Variants in IRAG2 observed in about 807,000 individuals in gnomAD.
The protein encoded by IRAG2 is lymphoid restricted membrane protein.
In IRAG2, 45 loss-of-function variants were observed where a neutral mutation model predicts 69.9. That is an observed-to-expected ratio of 0.64 (90% CI 0.51 to 0.83). IRAG2 has a LOEUF of 0.83. Ranked by LOEUF, IRAG2 falls within the 40% of genes least tolerant of loss-of-function variation. The pLI is 0.00. For synonymous variants in IRAG2, 193 were observed against 202.4 expected, an observed-to-expected ratio of 0.95 and a Z score of 0.40; for missense variants, 520 against 587.0, an observed-to-expected ratio of 0.89 and a Z score of 1.18.
chr12:25,020,897 G>A (rs1235251479), exon 7 of IRAG2: 6 of 1,228,332 alleles, frequency 4.9e-6, no homozygotes, highest in Non-Finnish European at 5.1e-6. Context: ...GTAGCCCAGA[G>A]CAAACAATTA....
chr12:25,034,311 T>A (rs2139851279), intron 13 of IRAG2, among the ~76,000 whole-genome samples: 1 of 152,322 alleles, frequency 6.6e-6, no homozygotes, highest in African/African-American at 2.4e-5. Flanking sequence ...ACCCTGAAAG[T>A]AAATATATTT....
intron 6 of IRAG2, among the ~76,000 whole-genome samples, chr12:25,076,963 C>G (rs1946726873): frequency 6.6e-6 from 1 of 150,908 alleles, no homozygotes; most frequent in South Asian, 2.1e-4. Context: ...GCAACCTTAA[C>G]CACCTGGGCT....
intron 20 of IRAG2, among the ~76,000 whole-genome samples, chr12:25,105,516 C>T (rs1396431834): frequency 3.3e-5 from 5 of 152,050 alleles, no homozygotes; most frequent in Non-Finnish European, 7.4e-5. Context: ...ATGAGCATGA[C>T]ATGGTGCAAT....
At chr12:25,077,352 GAT>G (rs1555139219) in intron 6 of IRAG2, among the ~76,000 whole-genome samples, 1 of 24,048 alleles carries the variant, frequency 4.2e-5, no homozygotes, top group African/African-American at 1.3e-4. Flanking sequence ...ATATATATAT[GAT>G]ATATATGATA....
At chr12:25,091,010 A>G in intron 14 of IRAG2, 1 of 217,472 alleles carries the variant, frequency 4.6e-6, no homozygotes, top group Admixed American at 5.7e-5. Flanking sequence ...TGTAACAACT[A>G]CTATTATCCT....
chr12:25,031,660 G>A (rs895832855), intron 10 of IRAG2, among the ~76,000 whole-genome samples: 2 of 151,938 alleles, frequency 1.3e-5, no homozygotes, highest in Non-Finnish European at 2.9e-5. Context: ...GTGTGTGTGT[G>A]TTTGTTTTTG....
chr12:25,027,052 C>G (rs912586618), intron 9 of IRAG2, among the ~76,000 whole-genome samples: 5 of 149,160 alleles, frequency 3.4e-5, no homozygotes, highest in African/African-American at 1.2e-4. Flanking sequence ...TTGGCAACTG[C>G]TTTACTGATA....
At chr12:25,010,277 G>A (rs915935627) in intron 2 of IRAG2, among the ~76,000 whole-genome samples, 1 of 152,128 alleles carries the variant, frequency 6.6e-6, no homozygotes, top group Admixed American at 6.6e-5. Context: ...AGAAGTTCAA[G>A]ACCAGCCTGG....
exon 6 of IRAG2, chr12:25,017,159 G>A (rs73076078): frequency 0.026 from 32,179 of 1,231,764 alleles, 969 homozygotes; most frequent in African/African-American, 0.15. Flanking sequence ...GATTGCCTAC[G>A]TAGCAGACCT....
chr12:25,063,386 A>G (rs1945760025), intron 3 of IRAG2, among the ~76,000 whole-genome samples: 1 of 152,156 alleles, frequency 6.6e-6, no homozygotes, highest in Non-Finnish European at 1.5e-5. Context: ...ATCACGAAGA[A>G]TTATGTAACT....
chr12:25,099,930 G>A (rs1255730652), intron 15 of IRAG2, among the ~76,000 whole-genome samples: 1 of 135,136 alleles, frequency 7.4e-6, no homozygotes, highest in Non-Finnish European at 1.5e-5. Context: ...AACCCGGGAG[G>A]CAGAGGTTGC....
chr12:25,032,690 C>G (rs1944677075), intron 12 of IRAG2, among the ~76,000 whole-genome samples: 1 of 152,164 alleles, frequency 6.6e-6, no homozygotes, highest in South Asian at 2.1e-4. Context: ...TACTAAGTTG[C>G]AGATTGCCGA....
At chr12:25,035,819 C>A in intron 14 of IRAG2, 2 of 398,862 alleles carry the variant, frequency 5.0e-6, no homozygotes, top group South Asian at 2.6e-4. Context: ...TCATGGTGTT[C>A]CGTTTTGGCT....
At chr12:25,100,509 T>G (rs548020425) in intron 15 of IRAG2, among the ~76,000 whole-genome samples, 1 of 152,308 alleles carries the variant, frequency 6.6e-6, no homozygotes, top group Admixed American at 6.5e-5. Flanking sequence ...TTATAGGACT[T>G]TTATCTTAGA....
At chr12:25,086,496 G>T (rs1947615434) in intron 10 of IRAG2, among the ~76,000 whole-genome samples, 1 of 152,164 alleles carries the variant, frequency 6.6e-6, no homozygotes, top group Non-Finnish European at 1.5e-5. Flanking sequence ...CACCTGTGCG[G>T]TTTTTGAAAG....
Position 25,060,851 on chromosome 12 carries a change from A to G in IRAG2, c.-446-741A>G, listed in dbSNP as rs546552282. Reference sequence around the variant, plus strand: ...AATTTTTGTATTTTTTTTTTTTAGTAGAGATGGGGTTTTGTCCTGTTGGCC... The same window carrying G: ...AATTTTTGTATTTTTTTTTTTTAGTGGAGATGGGGTTTTGTCCTGTTGGCC... On this transcript the variant is annotated intron_variant, in intron 1 of 21. Transcript: ENST00000556887. Among the ~76,000 whole-genome samples, 10 of 150,354 alleles carry G rather than the reference A, an allele frequency of 6.7e-5. No individual in the cohort carries two copies. In the East Asian group the frequency reaches 2.0e-3, roughly 29 times the overall value.
Position 25,077,266 on chromosome 12 carries a change from A to AATATATATG in IRAG2, c.25-1976_25-1968dup, listed in dbSNP as rs1565562770. ...AAATATATATATGATATATATATGAAATATATATGAAATATATATGATATA... is the reference window on the plus strand; with the variant it reads ...AAATATATATATGATATATATATGAAATATATATGATATATATGAAATATATATGATATA... On this transcript the variant is annotated intron_variant, in intron 6 of 21. Transcript: ENST00000556887. 1.2e-4 allele frequency among the ~76,000 whole-genome samples: 4 copies of AATATATATG among 32,854 alleles called. 1 individual carries two copies. In the East Asian group the frequency reaches 5.2e-3, roughly 42 times the overall value. 21.6% of individuals were successfully genotyped at this position (32,854 alleles called of 152,430 possible). A position where few individuals can be genotyped will look rare whatever the true frequency, so the allele number is the denominator to read the frequency against.
At chr12:25,052,307 G>C (rs2086939), upstream of IRAG2, 81,091 of 397,096 alleles carry the variant, frequency 0.2, 8,458 homozygotes, top group East Asian at 0.25. Context: ...TTAGGAAGAG[G>C]CTCCAAGAAA....
At chr12:25,033,313 A>T (rs984738289) in intron 12 of IRAG2, among the ~76,000 whole-genome samples, 1 of 152,138 alleles carries the variant, frequency 6.6e-6, no homozygotes, top group African/African-American at 2.4e-5. Flanking sequence ...CCTAACACAC[A>T]TCATCCTGTA....
Sources: allele counts gnomAD v4.1 joint callset (sites outside exome capture counted in the v4.1 genomes callset), GRCh38; gene constraint gnomAD v4.1.1; transcripts MANE v1.5; gene names NCBI Gene and HGNC (gene_info 2026-07-23, HGNC 2026-07-21).